The following HSPG2 variants were observed in gnomAD, a reference collection of about 807,000 sequenced individuals.
The protein encoded by HSPG2 is basement membrane-specific heparan sulfate proteoglycan core protein.
Under a neutral mutation model 526.6 loss-of-function variants are expected in HSPG2, and 278 were observed. That is an observed-to-expected ratio of 0.53 (90% CI 0.48 to 0.58). HSPG2 has a LOEUF of 0.58. HSPG2 is among the 20% of genes least tolerant of loss of function. HSPG2 has a pLI of 0.00. For missense variants in HSPG2, 5,354 were observed against 6,099.5 expected, an observed-to-expected ratio of 0.88 and a Z score of 4.07; for synonymous variants, 2,465 against 2,555.4, an observed-to-expected ratio of 0.96 and a Z score of 1.07.
rs1017451695 is a variant in HSPG2 at position 21,904,474 on chromosome 1, CT to C, written c.64-8165del. On this transcript the variant is annotated intron_variant, in intron 1 of 96. Coordinates refer to ENST00000374695, the MANE Select transcript of HSPG2 (RefSeq NM_005529.7). This position sits in a 1 kb window ranked among gnomAD's most constrained non-coding sequence, Gnocchi z 4.4. ...GCTTTTCCATTTAAAAGGGCCGCCC[CT>C]CAGTTGTGCTGCTGACCCGGTGCTA... Among the ~76,000 whole-genome samples the C allele has an allele frequency of 6.6e-6, 1 of 152,152 alleles. No individual in the cohort carries two copies. The highest frequency in any genetic ancestry group is 2.4e-5 in the African/African-American group (1 of 41,418).
At chr1:21,923,689 C>T (rs1020248968) in intron 1 of HSPG2, among the ~76,000 whole-genome samples, 3 of 152,164 alleles carry the variant, frequency 2.0e-5, no homozygotes, top group Non-Finnish European at 2.9e-5. Flanking sequence ...CTATAGTCCT[C>T]GAGTGTCTTC....
chr1:21,922,474 G>A (rs769397029), intron 1 of HSPG2, among the ~76,000 whole-genome samples: 29 of 152,194 alleles, frequency 1.9e-4, no homozygotes, highest in Admixed American at 3.3e-4. Flanking sequence ...AGTGTCCTGG[G>A]CTTAGAAACC....
intron 30 of HSPG2, 98 bp downstream of exon 30, chr1:21,873,277 G>T: frequency 7.1e-7 from 1 of 1,414,674 alleles, no homozygotes; most frequent in South Asian, 1.1e-5. Context: ...AAACAGGCTC[G>T]GACAGGCAAA....
At chr1:21,862,913 C>A (rs1247948523) in intron 37 of HSPG2, among the ~76,000 whole-genome samples, 1 of 151,028 alleles carries the variant, frequency 6.6e-6, no homozygotes, top group Non-Finnish European at 1.5e-5. Flanking sequence ...TACAAAAATT[C>A]GCCAGGCATG....
In HSPG2 at chr1:21,872,916, C is replaced by T. The variant is rs201888499; in HGVS notation, c.3888+81G>A. 840 of 1,551,154 alleles carry T rather than the reference C, an allele frequency of 5.4e-4. 4 individuals are homozygous for T. Among genetic ancestry groups the T allele is most frequent in the Non-Finnish European group, 2.2e-4 (242 of 1,123,594 alleles). ...CCCCCCATGCCCAGGTCTCGGCTTCCACCAGATGCTGCCTGATTTCCCCGC... is the reference window on the plus strand; with the variant it reads ...CCCCCCATGCCCAGGTCTCGGCTTCTACCAGATGCTGCCTGATTTCCCCGC... On this transcript the variant is annotated intron_variant, in intron 31 of 96. Coordinates refer to ENST00000374695, the MANE Select transcript of HSPG2 (RefSeq NM_005529.7). The surrounding 1 kb of genome is among the most constrained non-coding windows in gnomAD (Gnocchi z 5.5).
At position 21,880,853 on chromosome 1, in the gene HSPG2, A is replaced by T; in HGVS notation, c.1819-18T>A. On this transcript the variant is annotated intron_variant, in intron 14 of 96. Coordinates refer to ENST00000374695, the MANE Select transcript of HSPG2 (RefSeq NM_005529.7). ...GAGTCCACCTGGCACAACAGGGTGG[A>T]TCAGCACGGGCAGCTGTGGGCACAC... 1 of 1,580,452 alleles carries T rather than the reference A, an allele frequency of 6.3e-7. No individual in the cohort carries two copies. The highest frequency in any genetic ancestry group is 8.6e-7 in the Non-Finnish European group (1 of 1,164,170).
chr1:21,935,033 A>G (rs888934312), intron 1 of HSPG2, among the ~76,000 whole-genome samples: 1 of 151,716 alleles, frequency 6.6e-6, no homozygotes, highest in Non-Finnish European at 1.5e-5. Context: ...CAGCCTCCCG[A>G]GTAGTTGGGA....
At chr1:21,911,346 G>A (rs1172008921) in intron 1 of HSPG2, among the ~76,000 whole-genome samples, 1 of 152,190 alleles carries the variant, frequency 6.6e-6, no homozygotes, top group African/African-American at 2.4e-5. Flanking sequence ...CTCTGGGCCT[G>A]GCCCAAGCAG....
chr1:21,933,630 C>A, intron 1 of HSPG2, among the ~76,000 whole-genome samples: 1 of 152,364 alleles, frequency 6.6e-6, no homozygotes, highest in Non-Finnish European at 1.5e-5. Flanking sequence ...TGAGAGCAGG[C>A]CCGGGCCAAG....
At chr1:21,867,120 C>CTTTT (rs3077631) in intron 33 of HSPG2, among the ~76,000 whole-genome samples, 17,906 of 123,306 alleles carry the variant, frequency 0.15, 3,164 homozygotes, top group African/African-American at 0.37. Context: ...TGCTCAGGCA[C>CTTTT]TTTTTTTTTT....
rs763635060 is a variant in HSPG2, at chr1:21,880,485, G to A, written c.2073C>T (p.Ala691=). The change falls in exon 16 of 97, where the codon GCC becomes GCT. Residue 691 remains alanine (A), a synonymous_variant. Coordinates refer to ENST00000374695, the MANE Select transcript of HSPG2 (RefSeq NM_005529.7). ...ELLQVLQSLE[A]VLIQTVYNTK... is the part of the protein sequence containing the mutation. ...TGTTGTACACGGTCTGGATGAGCAC[G>A]GCCTCCAGGCTCTGCAGCACCTGCA... The A allele has an allele frequency of 8.1e-6, 13 of 1,613,598 alleles. No individual in the cohort carries two copies. Among genetic ancestry groups the A allele is most frequent in the Middle Eastern group, 1.6e-4 (1 of 6,084 alleles).
chr1:21,923,097 T>C (rs1442313624), intron 1 of HSPG2, among the ~76,000 whole-genome samples: 7 of 152,094 alleles, frequency 4.6e-5, no homozygotes, highest in Non-Finnish European at 8.8e-5. Flanking sequence ...GCAGCTTCCA[T>C]TTCTCCTAAA....
chr1:21,871,991 T>A (rs1341008905), intron 33 of HSPG2, among the ~76,000 whole-genome samples, 195 bp downstream of exon 33: 2 of 152,174 alleles, frequency 1.3e-5, no homozygotes, highest in Non-Finnish European at 2.9e-5. Flanking sequence ...CACCATGAAG[T>A]TGAGGTTTAT....
In HSPG2 at chr1:21,872,071, C is replaced by A; in HGVS notation, c.4221+115G>T. On this transcript the variant is annotated intron_variant, in intron 33 of 96. Transcript: ENST00000374695. The surrounding 1 kb of genome is among the most constrained non-coding windows in gnomAD (Gnocchi z 5.5). ...AATGTCTATGGGACTGCAAAAGCCA[C>A]GTGCCTAACCACGATATGGCCATGC... is the stretch of plus-strand genomic sequence containing the variant. 8.7e-7 allele frequency: 1 copy of A among 1,151,728 alleles called. No homozygotes were observed. The highest frequency in any genetic ancestry group is 1.3e-5 in the South Asian group (1 of 74,424). The allele number at this position is 1,151,728 out of a possible 1,614,324, so 71.3% of individuals were successfully genotyped here.
Position 21,848,630 on chromosome 1 carries a change from G to T in HSPG2, c.7737+13C>A. ...TGCCCTGCTTTTGCCCTCCCCACCT[G>T]CTGGCCCTGTACCTGGTGCCGGCTG... On this transcript the variant is annotated intron_variant, in intron 59 of 96. Coordinates refer to ENST00000374695, the MANE Select transcript of HSPG2 (RefSeq NM_005529.7). This position sits in a 1 kb window ranked among gnomAD's most constrained non-coding sequence, Gnocchi z 4.9. The T allele has an allele frequency of 6.2e-7, 1 of 1,612,854 alleles. No individual in the cohort carries two copies. Among genetic ancestry groups the T allele is most frequent in the East Asian group, 2.2e-5 (1 of 44,878 alleles).
In HSPG2 at chr1:21,841,258, T is replaced by A; in HGVS notation, c.9356A>T (p.Glu3119Val). 6.2e-7 allele frequency: 1 copy of A among 1,613,770 alleles called. No homozygotes were observed. Among genetic ancestry groups the A allele is most frequent in the Non-Finnish European group, 8.5e-7 (1 of 1,180,024 alleles). The change falls in exon 71 of 97, where the codon GAG (glutamate) becomes GTG (valine). Residue 3119 changes from glutamate to valine, a missense_variant. Coordinates refer to ENST00000374695, the MANE Select transcript of HSPG2 (RefSeq NM_005529.7). ...HGPPTVSVLPEGPVWVKVGKA... is the reference protein window; with the variant it reads ...HGPPTVSVLPVGPVWVKVGKA... ...TCCCACTTTCACCCACACGGGGCCC[T>A]CGGGGAGCACGGACACTGTAGGGGG...
chr1:21,880,457 T>G lies in HSPG2; in HGVS notation c.2101A>C (p.Lys701Gln). The change falls in exon 16 of 97, where the codon AAG (lysine) becomes CAG (glutamine). Residue 701 changes from lysine (K) to glutamine (Q), a missense_variant. Physicochemically the swap from Lys to Gln is moderately conservative, Grantham distance 53 (BLOSUM62 1). Coordinates refer to ENST00000374695, the MANE Select transcript of HSPG2 (RefSeq NM_005529.7). The part of the protein sequence containing the change: ...AVLIQTVYNT[K>Q]MASVGLSDIA... ...TCGCTAAGTCCCACGCTGGCCATCT[T>G]GGTGTTGTACACGGTCTGGATGAGC... 1 of 1,614,000 alleles carries G rather than the reference T, an allele frequency of 6.2e-7. No individual in the cohort carries two copies. The highest frequency in any genetic ancestry group is 8.5e-7 in the Non-Finnish European group (1 of 1,179,998).
At position 21,824,871 on chromosome 1, in the gene HSPG2, G is replaced by T; in HGVS notation, c.12590-92C>A. On this transcript the variant is annotated intron_variant, in intron 91 of 96. Coordinates refer to ENST00000374695, the MANE Select transcript of HSPG2 (RefSeq NM_005529.7). The surrounding 1 kb of genome is among the most constrained non-coding windows in gnomAD (Gnocchi z 5.9). ...CTGACCCCCACCTCCACGCCAACAT[G>T]CAGGACTAGGGGGCTCCGAGCCTGC... 1.7e-6 allele frequency: 2 copies of T among 1,183,986 alleles called. No individual in the cohort carries two copies. Among genetic ancestry groups the T allele is most frequent in the Non-Finnish European group, 2.5e-6 (2 of 813,424 alleles). 73.3% of individuals were successfully genotyped at this position (1,183,986 alleles called of 1,614,324 possible).
chr1:21,829,201 G>C, intron 87 of HSPG2, 122 bp from the exon 88 acceptor site: 1 of 1,429,514 alleles, frequency 7.0e-7, no homozygotes, highest in Non-Finnish European at 9.4e-7. Context: ...TTCCAGATGA[G>C]GAGCCCATGG....
Sources: allele counts gnomAD v4.1 joint callset (sites outside exome capture counted in the v4.1 genomes callset), GRCh38; gene constraint gnomAD v4.1.1; non-coding constraint Gnocchi (gnomAD v3.1); transcripts MANE v1.5; gene names NCBI Gene and HGNC (gene_info 2026-07-23, HGNC 2026-07-21).